Variants in PTPRN2 observed in about 807,000 individuals in gnomAD.
PTPRN2 encodes protein tyrosine phosphatase receptor type N2.
Under a neutral mutation model 118.8 loss-of-function variants are expected in PTPRN2, and 74 were observed. The observed-to-expected ratio is 0.62, with a 90% CI of 0.52 to 0.76. The LOEUF (loss-of-function observed/expected upper bound fraction) is 0.76. Ranked by LOEUF, PTPRN2 falls within the 30% of genes least tolerant of loss-of-function variation. The pLI, the probability that PTPRN2 is intolerant of heterozygous loss-of-function variation, is 0.00. For missense variants in PTPRN2, 1,481 were observed against 1,394.4 expected (o/e 1.06, Z -0.99); for synonymous variants, 641 against 608.0 (o/e 1.05, Z -0.80).
chr7:157,676,176 T>C lies in PTPRN2; in HGVS notation c.2001+6549A>G, dbSNP rs1796658086. Reference sequence around the variant, plus strand: ...ACACCCCAGCTCCCTGTCTAAACTCTTGGCCTGACTGGGAGGACCTCTTCC... The same window carrying C: ...ACACCCCAGCTCCCTGTCTAAACTCCTGGCCTGACTGGGAGGACCTCTTCC... On this transcript the variant is annotated intron_variant, in intron 13 of 22. Coordinates refer to ENST00000389418, the MANE Select transcript of PTPRN2 (RefSeq NM_002847.5). The surrounding 1 kb of genome is among the most constrained non-coding windows in gnomAD (Gnocchi z 5.6). 6.6e-6 allele frequency among the ~76,000 whole-genome samples: 1 copy of C among 152,112 alleles called. No individual in the cohort carries two copies. The highest frequency in any genetic ancestry group is 2.4e-5 in the African/African-American group (1 of 41,422).
intron 12 of PTPRN2, among the ~76,000 whole-genome samples, chr7:157,807,832 A>C (rs1805728791): frequency 6.6e-6 from 1 of 152,194 alleles, no homozygotes; most frequent in Non-Finnish European, 1.5e-5. Context: ...AGAAGCTGAG[A>C]TCCAGTGTCT....
chr7:158,021,544 A>G (rs762807821), intron 11 of PTPRN2, among the ~76,000 whole-genome samples: 2 of 151,976 alleles, frequency 1.3e-5, no homozygotes, highest in Admixed American at 6.6e-5. Flanking sequence ...ACAGAATATA[A>G]ATCTCCCCCC....
chr7:157,754,125 A>G (rs951454278), intron 12 of PTPRN2, among the ~76,000 whole-genome samples: 3 of 152,146 alleles, frequency 2.0e-5, no homozygotes, highest in African/African-American at 7.2e-5. Context: ...TGTGAAAACA[A>G]TCGTCCACTG....
intron 3 of PTPRN2, among the ~76,000 whole-genome samples, chr7:158,258,301 G>A (rs11973023): frequency 2.0e-5 from 3 of 152,214 alleles, no homozygotes; most frequent in Non-Finnish European, 2.9e-5. Context: ...GCATCTCCAC[G>A]TGCAGCCCCT....
intron 5 of PTPRN2, among the ~76,000 whole-genome samples, chr7:158,171,316 T>TAC (rs1464576505): frequency 0.014 from 1,325 of 92,060 alleles, 170 homozygotes; most frequent in African/African-American, 0.058. Flanking sequence ...CACATATATA[T>TAC]ATATATATAT....
intron 12 of PTPRN2, among the ~76,000 whole-genome samples, chr7:157,730,283 C>A (rs1799820706): frequency 6.6e-6 from 1 of 152,102 alleles, no homozygotes. Flanking sequence ...GGCTTTAAGG[C>A]TCGTCTTCTA....
intron 12 of PTPRN2, among the ~76,000 whole-genome samples, chr7:157,755,204 T>C (rs548716518): frequency 6.6e-6 from 1 of 152,296 alleles, no homozygotes; most frequent in South Asian, 2.1e-4. Context: ...ATTTTACTCT[T>C]AAAAATCTTT....
rs182280594 is a variant in PTPRN2, at chr7:158,083,593, T to C, written c.1644-2216A>G. Among the ~76,000 whole-genome samples, 435 of 152,344 alleles carry C rather than the reference T, an allele frequency of 2.9e-3. 3 individuals carry two copies. Among genetic ancestry groups the C allele is most frequent in the African/African-American group, 1.0e-2 (415 of 41,594 alleles). On this transcript the variant is annotated intron_variant, in intron 10 of 22. Coordinates refer to ENST00000389418, the MANE Select transcript of PTPRN2 (RefSeq NM_002847.5). Reference sequence around the variant, plus strand: ...TATGAAGAAGCATGTGACCCATACATGGCCCCGTATTTCACGTGGGGGCCG... The same window carrying C: ...TATGAAGAAGCATGTGACCCATACACGGCCCCGTATTTCACGTGGGGGCCG...
intron 1 of PTPRN2, among the ~76,000 whole-genome samples, chr7:158,519,856 G>A (rs1464921337): frequency 2.0e-5 from 3 of 152,214 alleles, no homozygotes; most frequent in African/African-American, 7.2e-5. Context: ...TCCCCACAAC[G>A]CCAGCACGGT....
At chr7:158,053,340 G>C (rs976215302) in intron 11 of PTPRN2, among the ~76,000 whole-genome samples, 3 of 152,160 alleles carry the variant, frequency 2.0e-5, no homozygotes, top group African/African-American at 4.8e-5. Context: ...GATGAGAAAG[G>C]AGGGCCTGCA....
chr7:158,161,031 C>T (rs960364550), intron 6 of PTPRN2, among the ~76,000 whole-genome samples: 4 of 151,972 alleles, frequency 2.6e-5, no homozygotes, highest in Non-Finnish European at 5.9e-5. Flanking sequence ...TTTTAGGGAC[C>T]TTAGGGATTT....
Position 157,596,459 on chromosome 7 carries a change from A to C in PTPRN2, c.2419-1144T>G, listed in dbSNP as rs1467783734. The stretch of plus-strand genomic sequence containing the variant: ...GAGAAGGTTGGCTTAGAAGACCATA[A>C]TTATTACATTTATTTCGAAGATTAA... On this transcript the variant is annotated intron_variant, in intron 16 of 22. Coordinates refer to ENST00000389418, the MANE Select transcript of PTPRN2 (RefSeq NM_002847.5). The surrounding 1 kb of genome is among the most constrained non-coding windows in gnomAD (Gnocchi z 4.2). 2.0e-5 allele frequency among the ~76,000 whole-genome samples: 3 copies of C among 152,216 alleles called. No homozygotes were observed. Among genetic ancestry groups the C allele is most frequent in the Non-Finnish European group, 2.9e-5 (2 of 68,038 alleles).
intron 22 of PTPRN2, among the ~76,000 whole-genome samples, chr7:157,546,273 A>C (rs1798316365): frequency 6.6e-6 from 1 of 152,070 alleles, no homozygotes; most frequent in African/African-American, 2.4e-5. Flanking sequence ...CTTGCTATTT[A>C]TTTATTTATT....
At chr7:158,004,489 C>CT (rs1343336239) in intron 11 of PTPRN2, among the ~76,000 whole-genome samples, 4 of 152,170 alleles carry the variant, frequency 2.6e-5, no homozygotes, top group Admixed American at 1.3e-4. Context: ...TTAGTGGACT[C>CT]TAAAAAAAGT....
At chr7:157,838,978 T>C (rs77614563) in intron 12 of PTPRN2, among the ~76,000 whole-genome samples, 222 of 107,644 alleles carry the variant, frequency 2.1e-3, no homozygotes, top group Middle Eastern at 0.012. Flanking sequence ...GTGGATGGCA[T>C]GGGAGAAAGC....
At chr7:158,468,628 C>T (rs1039033755) in intron 2 of PTPRN2, among the ~76,000 whole-genome samples, 1 of 152,194 alleles carries the variant, frequency 6.6e-6, no homozygotes, top group African/African-American at 2.4e-5. Flanking sequence ...ATCCAACGTG[C>T]ACAGAGCTGT....
chr7:157,557,261 C>T (rs937818173), intron 21 of PTPRN2, among the ~76,000 whole-genome samples: 3 of 151,542 alleles, frequency 2.0e-5, no homozygotes, highest in African/African-American at 7.3e-5. Flanking sequence ...ACACACCACA[C>T]AACACTCACA....
At chr7:157,937,087 C>T (rs1288316728) in intron 11 of PTPRN2, among the ~76,000 whole-genome samples, 3 of 152,346 alleles carry the variant, frequency 2.0e-5, no homozygotes, top group Non-Finnish European at 2.9e-5. Flanking sequence ...TGGCCTGGGC[C>T]ACCTTCTCTG....
chr7:158,488,111 G>A (rs1435512623), intron 2 of PTPRN2, among the ~76,000 whole-genome samples: 2 of 152,056 alleles, frequency 1.3e-5, no homozygotes, highest in Non-Finnish European at 2.9e-5. Flanking sequence ...ATTCTGCTGG[G>A]GCTACTTACG....
Sources: gnomAD v4.1 joint callset for allele counts (sites outside exome capture counted in the v4.1 genomes callset) on GRCh38, gnomAD v4.1.1 for gene constraint, Gnocchi (gnomAD v3.1) non-coding constraint, MANE v1.5 for transcripts, NCBI Gene and HGNC (gene_info 2026-07-23, HGNC 2026-07-21) for gene names.